SPOCD1: variants seen among roughly 807,000 people sequenced by gnomAD.
SPOCD1 encodes the protein SPOC domain-containing protein 1.
A neutral mutation model predicts 92.2 loss-of-function variants in SPOCD1; 64 were observed. The ratio of observed to expected loss-of-function variants is 0.69; its 90% CI spans 0.57 to 0.86. SPOCD1 has a LOEUF of 0.86. Among genes scored for constraint, SPOCD1 ranks in the 40% least tolerant of loss-of-function variants. The pLI, the probability that SPOCD1 is intolerant of heterozygous loss-of-function variation, is 0.00. For synonymous variants in SPOCD1, 578 were observed against 619.3 expected (o/e 0.93, Z 0.99); for missense variants, 1,360 against 1,543.1 (o/e 0.88, Z 1.99).
chr1:31,808,878 G>C (rs967937482), intron 2 of SPOCD1, among the ~76,000 whole-genome samples: 27 of 151,920 alleles, frequency 1.8e-4, no homozygotes, highest in African/African-American at 6.5e-4. Flanking sequence ...ATGGGAGAAA[G>C]TGTAGAAATG....
chr1:31,796,324 G>T, intron 10 of SPOCD1: 1 of 550,426 alleles, frequency 1.8e-6, no homozygotes, highest in South Asian at 1.9e-5. Flanking sequence ...ATGATGATGG[G>T]ACTTAATACC....
intron 2 of SPOCD1, among the ~76,000 whole-genome samples, chr1:31,812,046 G>A (rs956887254): frequency 4.6e-5 from 7 of 152,330 alleles, no homozygotes; most frequent in African/African-American, 9.6e-5. Flanking sequence ...ACAGCAGGAC[G>A]AAATTGCTTA....
At chr1:31,801,394 A>T (rs1428146140) in intron 3 of SPOCD1, among the ~76,000 whole-genome samples, 1 of 152,166 alleles carries the variant, frequency 6.6e-6, no homozygotes, top group African/African-American at 2.4e-5. Flanking sequence ...CTTTTCATTT[A>T]TTGCAAACCA....
chr1:31,807,295 A>G (rs1306792766), intron 2 of SPOCD1, among the ~76,000 whole-genome samples: 2 of 140,324 alleles, frequency 1.4e-5, no homozygotes, highest in Non-Finnish European at 1.5e-5. Context: ...AGGCTGAGGC[A>G]TGGGAATTGC....
At chr1:31,794,492 TTTTC>T (rs1216710880) in intron 10 of SPOCD1, 45 of 236,228 alleles carry the variant, frequency 1.9e-4, no homozygotes, top group Non-Finnish European at 2.3e-4. Flanking sequence ...TTTTCTTTTT[TTTTC>T]TTTTCTTTTT....
Position 31,800,622 on chromosome 1 carries a change from G to A in SPOCD1, c.1426-5C>T, listed in dbSNP as rs757803730. On this transcript the variant is annotated splice_polypyrimidine_tract_variant and splice_region_variant and intron_variant, in intron 3 of 15. Coordinates refer to ENST00000360482, the MANE Select transcript of SPOCD1 (RefSeq NM_144569.7). ...GATCACTGGCCCGGAACCCAGCTGC[G>A]GGGGAGATCGCACTTCAGAAGCAAG... 1.3e-5 allele frequency: 20 copies of A among 1,595,186 alleles called. No homozygotes were observed. Among genetic ancestry groups the A allele is most frequent in the African/African-American group, 1.1e-4 (8 of 74,650 alleles).
intron 2 of SPOCD1, among the ~76,000 whole-genome samples, chr1:31,806,726 T>C (rs1327742464): frequency 2.0e-5 from 3 of 151,996 alleles, no homozygotes; most frequent in Non-Finnish European, 4.4e-5. Context: ...TGTTTGTTTG[T>C]TTGTTTTCAG....
chr1:31,790,918 G>T lies in SPOCD1; in HGVS notation c.3336C>A (p.Pro1112=). ...NWQHPGRGQW[P]PEPGLRQSQH... is the part of the protein sequence containing the mutation. ...GGGACTGGCGCAAGCCTGGCTCTGG[G>T]GGCCACTGCCCTCGCCCAGGATGCT... The change falls in exon 16 of 16, where the codon CCC becomes CCA. Residue 1112 remains proline (P), a synonymous_variant. Transcript: ENST00000360482. 6.3e-7 allele frequency: 1 copy of T among 1,582,668 alleles called. No individual in the cohort carries two copies. Among genetic ancestry groups the T allele is most frequent in the Non-Finnish European group, 8.6e-7 (1 of 1,165,196 alleles).
Position 31,799,585 on chromosome 1 carries a change from C to T in SPOCD1, c.1784-100G>A, listed in dbSNP as rs182795373. The stretch of plus-strand genomic sequence containing the variant: ...GTTTAGGCAGACAGGAGAGGGGTCC[C>T]ACCCTCAAAGACCTAGACCCCTCCC... On this transcript the variant is annotated intron_variant, in intron 6 of 15. Coordinates refer to ENST00000360482, the MANE Select transcript of SPOCD1 (RefSeq NM_144569.7). 218 of 1,201,318 alleles carry T rather than the reference C, an allele frequency of 1.8e-4. No homozygotes were observed. In the African/African-American group the frequency reaches 3.0e-3, roughly 16 times the overall value. 74.4% of individuals were successfully genotyped at this position (1,201,318 alleles called of 1,614,324 possible).
Position 31,793,299 on chromosome 1 carries a change from T to A in SPOCD1, c.2664A>T (p.Gly888=). Residue 888 remains glycine, a synonymous_variant, in exon 13 of 16, where the codon GGA becomes GGT. Coordinates refer to ENST00000360482, the MANE Select transcript of SPOCD1 (RefSeq NM_144569.7). ...GCACCTGGACAAGCCGACAGCTGTG[T>A]CCCGAGACCAGCTGGGCCCTGGCCC... ...RFRARAQLVS[G]HSCRLVQALP... is the part of the protein sequence containing the mutation. 2 of 1,594,464 alleles carry A rather than the reference T, an allele frequency of 1.3e-6. No individual in the cohort carries two copies. Among genetic ancestry groups the A allele is most frequent in the Non-Finnish European group, 1.7e-6 (2 of 1,170,628 alleles).
At position 31,793,435 on chromosome 1, in the gene SPOCD1, G is replaced by A. The variant is rs1228332868; in HGVS notation, c.2535-7C>T. 1 of 1,584,822 alleles carries A rather than the reference G, an allele frequency of 6.3e-7. No individual in the cohort carries two copies. The highest frequency in any genetic ancestry group is 8.6e-7 in the Non-Finnish European group (1 of 1,165,322). ...GAGCCCAGATGGAGGGACCCTAGAG[G>A]GAGGGACAGAAGACAGGGCCAGACA... On this transcript the variant is annotated splice_region_variant and splice_polypyrimidine_tract_variant and intron_variant, in intron 12 of 15. Coordinates refer to ENST00000360482, the MANE Select transcript of SPOCD1 (RefSeq NM_144569.7).
At position 31,798,564 on chromosome 1, in the gene SPOCD1, C is replaced by A; in HGVS notation, c.1906G>T (p.Val636Leu). 1 of 1,613,642 alleles carries A rather than the reference C, an allele frequency of 6.2e-7. No homozygotes were observed. The highest frequency in any genetic ancestry group is 8.5e-7 in the Non-Finnish European group (1 of 1,179,972). ...ATGCCAGCAGCAATGCCCTCCACCA[C>A]CTCCTCACTCAGCACTGGGTCTGGG... ...ELPDPVLSEE[V>L]VEGIAAGIEA... Residue 636 changes from valine (V) to leucine (L), a missense_variant, in exon 8 of 16, where the codon GTG becomes TTG. Transcript: ENST00000360482. This position sits in a 1 kb window ranked among gnomAD's most constrained non-coding sequence, Gnocchi z 4.1.
Position 31,792,198 on chromosome 1 carries a change from G to A in SPOCD1, c.2962+17C>T, listed in dbSNP as rs369939167. 1.3e-5 allele frequency: 21 copies of A among 1,587,304 alleles called. No homozygotes were observed. The African/African-American group carries it at 1.9e-4, about 14-fold the overall frequency. On this transcript the variant is annotated intron_variant, in intron 15 of 15. Coordinates refer to ENST00000360482, the MANE Select transcript of SPOCD1 (RefSeq NM_144569.7). ...AGTGAGCAGAGGCAGGGTCTGGTAT[G>A]GGGACTAGGCACTCACCTGGGCCCC...
chr1:31,803,185 A>G (rs1648577692), intron 2 of SPOCD1, among the ~76,000 whole-genome samples: 1 of 152,164 alleles, frequency 6.6e-6, no homozygotes, highest in Admixed American at 6.6e-5. Flanking sequence ...ACCAGAATAC[A>G]AACTATGTAT....
chr1:31,814,162 C>T lies in SPOCD1; in HGVS notation c.1172G>A (p.Arg391Gln), dbSNP rs1284003809. 13 of 1,580,708 alleles carry T rather than the reference C, an allele frequency of 8.2e-6. No individual in the cohort carries two copies. The highest frequency in any genetic ancestry group is 2.3e-5 in the East Asian group (1 of 44,172). The change falls in exon 2 of 16, where the codon CGG becomes CAG. Residue 391 changes from arginine to glutamine, a missense_variant. This residue lies in a region of SPOCD1 where 606 missense variants were observed against 601.5 expected (regional missense o/e 1.01). Transcript: ENST00000360482. This position sits in a 1 kb window ranked among gnomAD's most constrained non-coding sequence, Gnocchi z 4.2. ...GGAGCTGAGGCCGCCCAAGGGCTCC[C>T]GGGAGCTGGCACAGGTGTCAGCGGG... ...AAPADTCASSREPLGGLSSSL... is the reference protein window; with the variant it reads ...AAPADTCASSQEPLGGLSSSL...
At chr1:31,804,985 C>CTTTCTTTTTTTTT (rs1553199549) in intron 2 of SPOCD1, among the ~76,000 whole-genome samples, 2 of 105,916 alleles carry the variant, frequency 1.9e-5, no homozygotes, top group East Asian at 3.0e-4. Flanking sequence ...TTCTTTCTTT[C>CTTTCTTTTTTTTT]TTTTTTTTTT....
At chr1:31,811,263 G>A (rs1036491916) in intron 2 of SPOCD1, among the ~76,000 whole-genome samples, 1 of 152,146 alleles carries the variant, frequency 6.6e-6, no homozygotes, top group African/African-American at 2.4e-5. Context: ...CTGAGGTCAG[G>A]AGTTTGAGAC....
At chr1:31,809,466 A>T (rs939872841) in intron 2 of SPOCD1, among the ~76,000 whole-genome samples, 1 of 152,008 alleles carries the variant, frequency 6.6e-6, no homozygotes, top group Non-Finnish European at 1.5e-5. Flanking sequence ...TATTCCCTGG[A>T]GATACCCCAT....
intron 4 of SPOCD1, 77 bp from the exon 5 acceptor site, chr1:31,800,218 C>T (rs1050251074): frequency 6.7e-5 from 101 of 1,516,730 alleles, no homozygotes; most frequent in Admixed American, 5.1e-4. Context: ...GTACTGGAGG[C>T]CCAGCCCCTC....
Sources: allele counts gnomAD v4.1 joint callset (sites outside exome capture counted in the v4.1 genomes callset), GRCh38; gene constraint gnomAD v4.1.1; regional missense constraint gnomAD v4.1.1; non-coding constraint Gnocchi (gnomAD v3.1); transcripts MANE v1.5; gene names NCBI Gene and HGNC (gene_info 2026-07-23, HGNC 2026-07-21).